RANBP17: variants seen among roughly 807,000 people sequenced by gnomAD.
RANBP17 encodes the protein RAN binding protein 17, also known as ran-binding protein 17.
A neutral mutation model predicts 141.2 loss-of-function variants in RANBP17; 158 were observed. That is an observed-to-expected ratio of 1.12 (90% CI 0.98 to 1.28). The LOEUF is 1.28. Ranked by LOEUF, RANBP17 falls within the 50% of genes most tolerant of loss-of-function variation. The probability of loss-of-function intolerance (pLI) is 0.00; values close to 1 mark genes in which losing one functional copy is unlikely to be tolerated. For synonymous variants in RANBP17, 430 were observed against 450.0 expected (o/e 0.96, Z 0.56); for missense variants, 1,438 against 1,290.7 (o/e 1.11, Z -1.75).
intron 24 of RANBP17, among the ~76,000 whole-genome samples, chr5:171,250,668 A>T (rs575441652): frequency 1.3e-5 from 2 of 152,306 alleles, no homozygotes; most frequent in East Asian, 3.9e-4. Flanking sequence ...CAAACAAAAA[A>T]CAAAAGCGAA....
chr5:170,981,235 T>A (rs1321817585), intron 14 of RANBP17, among the ~76,000 whole-genome samples: 7 of 147,702 alleles, frequency 4.7e-5, no homozygotes, highest in African/African-American at 1.8e-4. Flanking sequence ...ACTTGCCTTA[T>A]CTCAGATGAG....
chr5:171,083,045 A>T (rs932196451), intron 14 of RANBP17, among the ~76,000 whole-genome samples: 4 of 152,184 alleles, frequency 2.6e-5, no homozygotes, highest in Non-Finnish European at 5.9e-5. Flanking sequence ...TTTTCAGAAT[A>T]AAGTATTCAA....
chr5:171,142,151 T>C (rs1757746656), intron 14 of RANBP17, among the ~76,000 whole-genome samples: 1 of 152,184 alleles, frequency 6.6e-6, no homozygotes, highest in African/African-American at 2.4e-5. Flanking sequence ...GAGTTTACTT[T>C]TGGTTTTTAA....
At chr5:171,223,850 A>G (rs1763720671) in intron 22 of RANBP17, among the ~76,000 whole-genome samples, 1 of 152,196 alleles carries the variant, frequency 6.6e-6, no homozygotes, top group African/African-American at 2.4e-5. Context: ...CAGATTTGCA[A>G]GATCTCAGTA....
intron 18 of RANBP17, among the ~76,000 whole-genome samples, chr5:171,183,773 G>A (rs1293406827): frequency 6.6e-6 from 1 of 152,138 alleles, no homozygotes; most frequent in Non-Finnish European, 1.5e-5. Context: ...TTTCGTCATA[G>A]TGATGTCTAA....
Position 171,117,829 on chromosome 5 carries a change from T to TTTGTTGTTG in RANBP17, c.1711-52274_1711-52266dup, listed in dbSNP as rs57307801. On this transcript the variant is annotated intron_variant, in intron 14 of 27. Transcript: ENST00000523189. ...TTTCTAATTGGATTATATGTGGGGTTTTGTTGTTGTTGTTGTTGTTGTTGT... is the reference window on the plus strand; with the variant it reads ...TTTCTAATTGGATTATATGTGGGGTTTTGTTGTTGTTGTTGTTGTTGTTGTTGTTGTTGT... Among the ~76,000 whole-genome samples the TTTGTTGTTG allele has an allele frequency of 5.0e-3, 740 of 147,550 alleles. 2 individuals carry two copies. The highest frequency in any genetic ancestry group is 0.013 in the African/African-American group (530 of 40,212).
intron 5 of RANBP17, 96 bp downstream of exon 5, chr5:170,896,211 T>C: frequency 1.2e-6 from 1 of 819,728 alleles, no homozygotes; most frequent in South Asian, 1.7e-5. Context: ...CAGCCTTCAT[T>C]TTGTGGCATA....
chr5:171,261,974 T>C (rs892874872), intron 24 of RANBP17, among the ~76,000 whole-genome samples: 13 of 152,194 alleles, frequency 8.5e-5, no homozygotes, highest in African/African-American at 2.7e-4. Context: ...TTCAAAGTCC[T>C]CAACCATAAA....
Position 171,293,905 on chromosome 5 carries a change from C to T in RANBP17, c.2966C>T (p.Thr989Ile). Residue 989 changes from threonine (T) to isoleucine (I), a missense_variant, in exon 26 of 28, where the codon ACC (threonine) becomes ATC (isoleucine). By Grantham distance (89) the Thr-to-Ile change is moderately conservative (BLOSUM62 -1). Coordinates refer to ENST00000523189, the MANE Select transcript of RANBP17 (RefSeq NM_022897.5). ...TAGATGATGTCTGTCCTCATGAACA[C>T]CATTGTCTTTGAAGACTGTCGGAAC... ...LQQMMSVLMN[T>I]IVFEDCRNQW... is the part of the protein sequence containing the mutation. 1.2e-6 allele frequency: 2 copies of T among 1,613,648 alleles called. No homozygotes were observed. Among genetic ancestry groups the T allele is most frequent in the Non-Finnish European group, 1.7e-6 (2 of 1,179,602 alleles).
intron 14 of RANBP17, among the ~76,000 whole-genome samples, chr5:171,068,669 T>G (rs1274368621): frequency 6.6e-6 from 1 of 152,058 alleles, no homozygotes; most frequent in African/African-American, 2.4e-5. Context: ...TCATTGCAAC[T>G]TCTGCCTCCC....
chr5:171,179,282 C>T (rs1333487341), intron 16 of RANBP17, among the ~76,000 whole-genome samples: 1 of 152,008 alleles, frequency 6.6e-6, no homozygotes, highest in Non-Finnish European at 1.5e-5. Context: ...TATAGTCTCC[C>T]TTAGTACTTT....
intron 14 of RANBP17, among the ~76,000 whole-genome samples, chr5:171,088,217 C>T (rs933470835): frequency 2.0e-5 from 3 of 151,610 alleles, no homozygotes; most frequent in African/African-American, 7.3e-5. Context: ...TTCTCCTTCA[C>T]TTATGAAGCT....
rs1453159133 is a variant in RANBP17 at position 171,298,662 on chromosome 5, G to A, written c.3171-100G>A. ...ATCTAGAGCCGTCCTCCAGGAGGGG[G>A]CTCCCCAAAGTCCTGAACTCCAAAA... On this transcript the variant is annotated intron_variant, in intron 27 of 27. Transcript: ENST00000523189. The A allele has an allele frequency of 1.1e-5, 8 of 760,216 alleles. No homozygotes were observed. The Admixed American group carries it at 1.2e-4, about 11-fold the overall frequency. 47.1% of individuals were successfully genotyped at this position (760,216 alleles called of 1,614,324 possible).
rs191559587 is a variant in RANBP17 at position 171,183,230 on chromosome 5, G to A, written c.1929G>A (p.Thr643=). Residue 643 remains threonine, a splice_region_variant and synonymous_variant, in exon 17 of 28, where the codon ACG becomes ACA. Transcript: ENST00000523189. ...DAVKFMLKNH[T]SEHFPFLGIS... is the part of the protein sequence containing the mutation. ...TGAAATTCATGCTAAAAAACCACAC[G>A]GTAAGTCTTATTTCTTTAATTAATG... 42 of 1,599,028 alleles carry A rather than the reference G, an allele frequency of 2.6e-5. No individual in the cohort carries two copies. Among genetic ancestry groups the A allele is most frequent in the African/African-American group, 9.4e-5 (7 of 74,624 alleles).
In RANBP17 at chr5:171,195,974, A is replaced by G. The variant is rs116101548; in HGVS notation, c.2039-3696A>G. Reference sequence around the variant, plus strand: ...ACTCAAGGAATAACAGCTGTTATTTAGTCAATCCACAAACATTTCTTGAGT... The same window carrying G: ...ACTCAAGGAATAACAGCTGTTATTTGGTCAATCCACAAACATTTCTTGAGT... On this transcript the variant is annotated intron_variant, in intron 18 of 27. Transcript: ENST00000523189. Among the ~76,000 whole-genome samples, 565 of 152,358 alleles carry G rather than the reference A, an allele frequency of 3.7e-3. 2 individuals carry two copies. Among genetic ancestry groups the G allele is most frequent in the African/African-American group, 0.012 (514 of 41,580 alleles).
intron 14 of RANBP17, among the ~76,000 whole-genome samples, chr5:171,013,209 T>A (rs547452447): frequency 6.6e-6 from 1 of 152,254 alleles, no homozygotes; most frequent in South Asian, 2.1e-4. Context: ...ATCTCAACAT[T>A]CATCACCCAC....
intron 14 of RANBP17, among the ~76,000 whole-genome samples, chr5:171,161,253 C>T (rs746556842): frequency 1.3e-5 from 2 of 152,222 alleles, no homozygotes; most frequent in African/African-American, 2.4e-5. Context: ...TGTCTCTGCT[C>T]ATGGGCTCCA....
intron 1 of RANBP17, among the ~76,000 whole-genome samples, chr5:170,871,189 C>G (rs1767687331): frequency 1.3e-5 from 2 of 152,068 alleles, no homozygotes; most frequent in Admixed American, 6.6e-5. Flanking sequence ...GCTGGGATTA[C>G]AGGCGCCTGC....
At chr5:171,087,852 G>A in intron 14 of RANBP17, among the ~76,000 whole-genome samples, 1 of 151,602 alleles carries the variant, frequency 6.6e-6, no homozygotes, top group African/African-American at 2.4e-5. Flanking sequence ...TTGAGCCTAT[G>A]TGTGTCTCTG....
Sources: allele counts gnomAD v4.1 joint callset (sites outside exome capture counted in the v4.1 genomes callset), GRCh38; gene constraint gnomAD v4.1.1; transcripts MANE v1.5; gene names NCBI Gene and HGNC (gene_info 2026-07-23, HGNC 2026-07-21).